Variants in PRKDC observed in about 807,000 individuals in gnomAD.
The protein encoded by PRKDC is DNA-dependent protein kinase catalytic subunit.
Under a neutral mutation model 486.9 loss-of-function variants are expected in PRKDC, and 82 were observed. The observed-to-expected ratio is 0.17, with a 90% CI of 0.14 to 0.20. The LOEUF (loss-of-function observed/expected upper bound fraction) is 0.20, where lower values mean the gene tolerates loss of function less well. Among genes scored for constraint, PRKDC ranks in the 10% least tolerant of loss-of-function variants. The probability of loss-of-function intolerance (pLI) is 1.00; values close to 1 mark genes in which losing one functional copy is unlikely to be tolerated. For missense variants in PRKDC, 4,504 were observed against 5,038.2 expected, an observed-to-expected ratio of 0.89 and a Z score of 3.21; for synonymous variants, 1,895 against 1,837.0, an observed-to-expected ratio of 1.03 and a Z score of -0.81.
In PRKDC at chr8:47,914,061, G is replaced by C. The variant is rs776803808; in HGVS notation, c.2621C>G (p.Thr874Arg). 3.4e-6 allele frequency: 5 copies of C among 1,482,486 alleles called. No individual in the cohort carries two copies. The highest frequency in any genetic ancestry group is 4.5e-6 in the Non-Finnish European group (5 of 1,113,034). The allele number at this position is 1,482,486 out of a possible 1,614,324, so 91.8% of individuals were successfully genotyped here. ...GCTCTTCATCATCTCATCTGAGGACGTGACTGTTAGAAAAGATTTAAGAAG... is the reference window on the plus strand; with the variant it reads ...GCTCTTCATCATCTCATCTGAGGACCTGACTGTTAGAAAAGATTTAAGAAG... Reference protein sequence around the residue: ...GQINKNLLTVTSSDEMMKSYV... With the variant: ...GQINKNLLTVRSSDEMMKSYV... The change falls in exon 24 of 86, where the codon ACG (threonine) becomes AGG (arginine). Residue 874 changes from threonine to arginine, a missense_variant. Coordinates refer to ENST00000314191, the MANE Select transcript of PRKDC (RefSeq NM_006904.7).
At chr8:47,792,710 TCCCATGTAC>T (rs986959193) in intron 74 of PRKDC, among the ~76,000 whole-genome samples, 2 of 152,114 alleles carry the variant, frequency 1.3e-5, no homozygotes, top group Non-Finnish European at 2.9e-5. Context: ...TATCAAAATA[TCCCATGTAC>T]CCCATAAACA....
intron 36 of PRKDC, among the ~76,000 whole-genome samples, chr8:47,883,548 C>T (rs945948026): frequency 1.3e-5 from 2 of 152,232 alleles, no homozygotes; most frequent in African/African-American, 4.8e-5. Flanking sequence ...GCTGCTCAAC[C>T]TCATGCATGA....
Position 47,785,134 on chromosome 8 carries a change from T to G in PRKDC, c.11086A>C (p.Arg3696=). The G allele has an allele frequency of 1.2e-6, 2 of 1,614,008 alleles. No individual in the cohort carries two copies. The highest frequency in any genetic ancestry group is 1.7e-6 in the Non-Finnish European group (2 of 1,179,896). The part of the protein sequence containing the change: ...WMSDFKVEFL[R]NELEIPGQYD... Reference sequence around the variant, plus strand: ...TCACCGGGAATCTCCAGCTCATTTCTCAGGAACTCCACTTTGAAGTCGCTC... The same window carrying G: ...TCACCGGGAATCTCCAGCTCATTTCGCAGGAACTCCACTTTGAAGTCGCTC... Residue 3696 remains arginine, a synonymous_variant, in exon 77 of 86, where the codon AGA becomes CGA. Transcript: ENST00000314191.
chr8:47,829,798 A>G lies in PRKDC; in HGVS notation c.8397+807T>C, dbSNP rs542214421. Among the ~76,000 whole-genome samples, 9 of 152,342 alleles carry G rather than the reference A, an allele frequency of 5.9e-5. No homozygotes were observed. The South Asian group carries it at 1.9e-3, about 32-fold the overall frequency. On this transcript the variant is annotated intron_variant, in intron 61 of 85. Transcript: ENST00000314191. ...AAGAATGACACAAATAAAGGGAAAC[A>G]CATTCCATATTCACGGATTAGAAGC...
intron 67 of PRKDC, among the ~76,000 whole-genome samples, chr8:47,818,710 C>T (rs929973123): frequency 3.3e-5 from 5 of 151,400 alleles, no homozygotes; most frequent in African/African-American, 1.2e-4. Flanking sequence ...AATAATTTTC[C>T]AAAATTAAAA....
In PRKDC at chr8:47,862,075, G is replaced by A; in HGVS notation, c.5972C>T (p.Pro1991Leu). ...LIDLKRRYNF[P>L]VEVEVPMERK... ...AATTTCACTCACCTCAACTTCTACA[G>A]GAAAATTATAGCGGCGCTTCAGGTC... is the stretch of plus-strand genomic sequence containing the variant. Residue 1991 changes from proline to leucine, a missense_variant, in exon 44 of 86, where the codon CCT (proline) becomes CTT (leucine). By Grantham distance (98) the Pro-to-Leu change is moderately conservative. Coordinates refer to ENST00000314191, the MANE Select transcript of PRKDC (RefSeq NM_006904.7). The A allele has an allele frequency of 6.4e-7, 1 of 1,551,322 alleles. No homozygotes were observed. The highest frequency in any genetic ancestry group is 8.7e-7 in the Non-Finnish European group (1 of 1,145,930).
chr8:47,881,768 G>T, intron 37 of PRKDC, 144 bp downstream of exon 37: 1 of 751,664 alleles, frequency 1.3e-6, no homozygotes, highest in Non-Finnish European at 2.0e-6. Flanking sequence ...GTTTAAAAAG[G>T]TAAATATAAG....
chr8:47,924,881 T>C (rs2090130224), intron 21 of PRKDC, among the ~76,000 whole-genome samples: 2 of 152,202 alleles, frequency 1.3e-5, no homozygotes, highest in Non-Finnish European at 2.9e-5. Flanking sequence ...TATTTGTAGC[T>C]CACTTCAACA....
chr8:47,856,943 AAAGCAAG>A (rs2088555408), intron 49 of PRKDC, among the ~76,000 whole-genome samples: 2 of 152,240 alleles, frequency 1.3e-5, no homozygotes, highest in Admixed American at 6.5e-5. Context: ...CTTCATAATA[AAAGCAAG>A]GTCAGACGAA....
At chr8:47,841,601 A>G (rs1464567743) in intron 54 of PRKDC, among the ~76,000 whole-genome samples, 1 of 152,332 alleles carries the variant, frequency 6.6e-6, no homozygotes, top group East Asian at 1.9e-4. Flanking sequence ...GTCTAAGCAC[A>G]TCGTTCAGGA....
intron 46 of PRKDC, 101 bp from the exon 47 acceptor site, chr8:47,859,087 A>G (rs2088614863): frequency 8.1e-7 from 1 of 1,227,866 alleles, no homozygotes; most frequent in Admixed American, 1.9e-5. Flanking sequence ...GCATATAACA[A>G]ACACTTAGGT....
rs754606233 is a variant in PRKDC, at chr8:47,944,021, T to C, written c.730A>G (p.Thr244Ala). Residue 244 changes from threonine (T) to alanine (A), a missense_variant, in exon 8 of 86, where the codon ACT (threonine) becomes GCT (alanine). Transcript: ENST00000314191. ...FTKSMEEDPQ[T>A]SREIFNFVLK... Reference sequence around the variant, plus strand: ...ACAAAATTAAAAATCTCCCTTGAAGTCTGGGGATCTAGGGAAATACCAAGA... The same window carrying C: ...ACAAAATTAAAAATCTCCCTTGAAGCCTGGGGATCTAGGGAAATACCAAGA... 1 of 1,562,382 alleles carries C rather than the reference T, an allele frequency of 6.4e-7. No homozygotes were observed. The highest frequency in any genetic ancestry group is 1.9e-5 in the Admixed American group (1 of 52,720).
At chr8:47,849,716 ACCT>A (rs2088359361) in intron 52 of PRKDC, among the ~76,000 whole-genome samples, 1 of 152,126 alleles carries the variant, frequency 6.6e-6, no homozygotes, top group Non-Finnish European at 1.5e-5. Context: ...GAGTTCCTAC[ACCT>A]CGGTGAGCCA....
intron 51 of PRKDC, 128 bp downstream of exon 51, chr8:47,853,955 C>T: frequency 3.2e-6 from 4 of 1,238,786 alleles, no homozygotes; most frequent in Non-Finnish European, 4.5e-6. Flanking sequence ...GCATGAGCCA[C>T]CGTGCCTGGC....
intron 40 of PRKDC, among the ~76,000 whole-genome samples, chr8:47,875,527 C>T (rs906325478): frequency 2.6e-5 from 4 of 152,024 alleles, no homozygotes; most frequent in Non-Finnish European, 5.9e-5. Context: ...TAAATCTTTC[C>T]TATTTTCAAA....
At chr8:47,933,821 GTTTTAA>G in intron 15 of PRKDC, 138 bp downstream of exon 15, 1 of 861,596 alleles carries the variant, frequency 1.2e-6, no homozygotes, top group Non-Finnish European at 1.6e-6. Context: ...GATTCATACG[GTTTTAA>G]TTTTTTATTT....
At chr8:47,859,119 A>G in intron 46 of PRKDC, 133 bp from the exon 47 acceptor site, 2 of 960,996 alleles carry the variant, frequency 2.1e-6, no homozygotes, top group East Asian at 4.8e-5. Flanking sequence ...TCTGGTAATA[A>G]TATCAAATAC....
chr8:47,898,620 T>C (rs779182426), intron 28 of PRKDC, 51 bp from the exon 29 acceptor site: 48 of 1,102,456 alleles, frequency 4.4e-5, no homozygotes, highest in Non-Finnish European at 5.6e-5. Flanking sequence ...TATAGCTGAT[T>C]ATTATTAAAT....
intron 54 of PRKDC, among the ~76,000 whole-genome samples, chr8:47,848,623 C>T (rs1247737298): frequency 1.3e-5 from 2 of 149,522 alleles, no homozygotes; most frequent in Non-Finnish European, 1.5e-5. Flanking sequence ...ACTTGTACTT[C>T]CTTATTCAAA....
Sources: allele counts gnomAD v4.1 joint callset (sites outside exome capture counted in the v4.1 genomes callset), GRCh38; gene constraint gnomAD v4.1.1; transcripts MANE v1.5; gene names NCBI Gene and HGNC (gene_info 2026-07-23, HGNC 2026-07-21).